Variants in DPP10 observed in about 807,000 individuals in gnomAD.
The protein encoded by DPP10 is inactive dipeptidyl peptidase 10.
Under a neutral mutation model 120.9 loss-of-function variants are expected in DPP10, and 33 were observed. That is an observed-to-expected ratio of 0.27 (90% CI 0.21 to 0.37). The LOEUF (loss-of-function observed/expected upper bound fraction) is 0.37. DPP10 is among the 10% of genes least tolerant of loss of function. The pLI, the probability that DPP10 is intolerant of heterozygous loss-of-function variation, is 1.00. For missense variants in DPP10, 816 were observed against 942.8 expected, an observed-to-expected ratio of 0.87 and a Z score of 1.76; for synonymous variants, 337 against 326.1, an observed-to-expected ratio of 1.03 and a Z score of -0.36.
At chr2:114,781,270 T>C (rs2106195275) in intron 1 of DPP10, among the ~76,000 whole-genome samples, 1 of 152,282 alleles carries the variant, frequency 6.6e-6, no homozygotes, top group Admixed American at 6.5e-5. Flanking sequence ...ATCACTGTTG[T>C]CAGTTTGCCT....
intron 1 of DPP10, among the ~76,000 whole-genome samples, chr2:114,988,100 G>T (rs188636790): frequency 6.6e-6 from 1 of 152,088 alleles, no homozygotes; most frequent in African/African-American, 2.4e-5. Flanking sequence ...CACCGCGCCC[G>T]GCCGCCGGAG....
At chr2:115,022,248 G>T (rs991804563) in intron 1 of DPP10, among the ~76,000 whole-genome samples, 3 of 152,036 alleles carry the variant, frequency 2.0e-5, no homozygotes, top group Non-Finnish European at 2.9e-5. Context: ...TGATATGATT[G>T]TATACCTAGA....
At chr2:115,183,444 C>T (rs1430747373) in intron 1 of DPP10, among the ~76,000 whole-genome samples, 2 of 152,118 alleles carry the variant, frequency 1.3e-5, no homozygotes, top group South Asian at 2.1e-4. Context: ...TTGAAATTAC[C>T]TGTTTACTGG....
At chr2:114,452,445 T>C (rs774191619) in intron 1 of DPP10, among the ~76,000 whole-genome samples, 41 of 152,166 alleles carry the variant, frequency 2.7e-4, no homozygotes, top group Non-Finnish European at 4.6e-4. Context: ...TGTGTTTCTA[T>C]AATCATAAAA....
intron 1 of DPP10, among the ~76,000 whole-genome samples, chr2:114,908,887 CAATT>C (rs1694164782): frequency 6.6e-6 from 1 of 151,568 alleles, no homozygotes; most frequent in Non-Finnish European, 1.5e-5. Context: ...TGGCATTAGT[CAATT>C]AATATTTTAC....
chr2:114,957,314 T>A (rs1168762711), intron 1 of DPP10, among the ~76,000 whole-genome samples: 1 of 151,042 alleles, frequency 6.6e-6, no homozygotes, highest in African/African-American at 2.4e-5. Flanking sequence ...TTTTGTAATA[T>A]ATATTTTGTA....
intron 3 of DPP10, among the ~76,000 whole-genome samples, chr2:115,471,315 T>C (rs1239101758): frequency 1.3e-5 from 2 of 152,184 alleles, no homozygotes; most frequent in African/African-American, 4.8e-5. Context: ...TATCAGTGTT[T>C]CAGTAACATA....
At chr2:115,201,392 G>A (rs1362550521) in intron 1 of DPP10, among the ~76,000 whole-genome samples, 1 of 152,140 alleles carries the variant, frequency 6.6e-6, no homozygotes, top group Non-Finnish European at 1.5e-5. Flanking sequence ...GAACCCGGGT[G>A]GCAGAGGCTG....
At chr2:115,101,837 G>C (rs957615983) in intron 1 of DPP10, among the ~76,000 whole-genome samples, 1 of 152,132 alleles carries the variant, frequency 6.6e-6, no homozygotes, top group African/African-American at 2.4e-5. Context: ...CACTTGCAAC[G>C]TCTTGCTACT....
chr2:114,856,745 A>C (rs1415887181), intron 1 of DPP10, among the ~76,000 whole-genome samples: 2 of 152,214 alleles, frequency 1.3e-5, no homozygotes, highest in Non-Finnish European at 2.9e-5. Flanking sequence ...GAGAGAGAGC[A>C]GGAGAGTTGC....
At chr2:114,566,051 CTG>C (rs944728870) in intron 1 of DPP10, among the ~76,000 whole-genome samples, 2 of 152,182 alleles carry the variant, frequency 1.3e-5, no homozygotes, top group African/African-American at 2.4e-5. Context: ...GAAATGGACT[CTG>C]TGTTCAGTAG....
At chr2:115,083,943 A>G (rs1307446960) in intron 1 of DPP10, among the ~76,000 whole-genome samples, 3 of 152,228 alleles carry the variant, frequency 2.0e-5, no homozygotes, top group Non-Finnish European at 2.9e-5. Flanking sequence ...TACTACTGCA[A>G]TAAGGAAGAG....
At chr2:115,603,570 G>GTTTGT (rs1553459827) in intron 5 of DPP10, among the ~76,000 whole-genome samples, 101 of 99,290 alleles carry the variant, frequency 1.0e-3, no homozygotes, top group African/African-American at 2.9e-3. Context: ...GTTTTTTTTT[G>GTTTGT]TTTTTTTTTT....
At chr2:114,746,000 A>G (rs1678543562) in intron 1 of DPP10, among the ~76,000 whole-genome samples, 1 of 152,244 alleles carries the variant, frequency 6.6e-6, no homozygotes, top group Admixed American at 6.5e-5. Flanking sequence ...TAACAGCAGC[A>G]GAGAAGGGAG....
At chr2:115,303,533 T>C (rs1308909367) in intron 1 of DPP10, among the ~76,000 whole-genome samples, 4 of 151,988 alleles carry the variant, frequency 2.6e-5, no homozygotes, top group Non-Finnish European at 5.9e-5. Flanking sequence ...TCCCAGCATA[T>C]CCAGCACCTT....
At chr2:114,630,452 G>A (rs1310881789) in intron 1 of DPP10, among the ~76,000 whole-genome samples, 1 of 152,056 alleles carries the variant, frequency 6.6e-6, no homozygotes, top group Non-Finnish European at 1.5e-5. Flanking sequence ...AATGAGAGTC[G>A]AGTTAATAGC....
At chr2:115,005,921 T>A (rs1701802496) in intron 1 of DPP10, among the ~76,000 whole-genome samples, 1 of 152,086 alleles carries the variant, frequency 6.6e-6, no homozygotes, top group African/African-American at 2.4e-5. Flanking sequence ...ATTGTCAGAT[T>A]CACCAAAGTT....
At position 115,803,619 on chromosome 2, in the gene DPP10, C is replaced by G. The variant is rs539789236; in HGVS notation, c.1701-11174C>G. 2.7e-4 allele frequency among the ~76,000 whole-genome samples: 41 copies of G among 152,240 alleles called. No homozygotes were observed. The South Asian group carries it at 4.1e-3, about 15-fold the overall frequency. On this transcript the variant is annotated intron_variant, in intron 19 of 25. Coordinates refer to ENST00000410059, the MANE Select transcript of DPP10 (RefSeq NM_020868.6). ...GCTTCCTTCAGGAGCTCTTTTAGGG[C>G]AGGCCTGGTGGTGACAAAATCTCTC... is the stretch of plus-strand genomic sequence containing the variant.
intron 5 of DPP10, among the ~76,000 whole-genome samples, chr2:115,674,195 A>G (rs1303506846): frequency 6.6e-6 from 1 of 152,114 alleles, no homozygotes; most frequent in Non-Finnish European, 1.5e-5. Flanking sequence ...ATTGCACTCC[A>G]GTCTGGGCAA....
Sources: gnomAD v4.1 joint callset for allele counts (sites outside exome capture counted in the v4.1 genomes callset) on GRCh38, gnomAD v4.1.1 for gene constraint, MANE v1.5 for transcripts, NCBI Gene and HGNC (gene_info 2026-07-23, HGNC 2026-07-21) for gene names.